Variants in PATJ observed in about 807,000 individuals in gnomAD.
PATJ encodes PATJ crumbs cell polarity complex component.
Under a neutral mutation model 224.9 loss-of-function variants are expected in PATJ, and 190 were observed. The ratio of observed to expected loss-of-function variants is 0.84; its 90% CI spans 0.75 to 0.95. The LOEUF (loss-of-function observed/expected upper bound fraction) is 0.95, where lower values mean the gene tolerates loss of function less well. Ranked by LOEUF, PATJ falls within the 40% of genes least tolerant of loss-of-function variation. The pLI is 0.00. For synonymous variants in PATJ, 769 were observed against 820.3 expected (o/e 0.94, Z 1.07); for missense variants, 2,121 against 2,270.3 (o/e 0.93, Z 1.34).
At chr1:61,794,048 GC>G (rs71050160) in intron 9 of PATJ, among the ~76,000 whole-genome samples, 1 of 151,406 alleles carries the variant, frequency 6.6e-6, no homozygotes, top group Admixed American at 6.6e-5. Context: ...GATTAGATGT[GC>G]CCACCATCAT....
intron 27 of PATJ, among the ~76,000 whole-genome samples, chr1:61,986,739 C>T (rs901531671): frequency 2.0e-5 from 3 of 150,532 alleles, no homozygotes; most frequent in Non-Finnish European, 2.9e-5. Context: ...TATTTTTTCT[C>T]GTTAAGTTTT....
intron 7 of PATJ, 132 bp downstream of exon 7, chr1:61,775,466 A>C (rs965522947): frequency 2.7e-6 from 2 of 734,290 alleles, no homozygotes; most frequent in Non-Finnish European, 4.4e-6. Flanking sequence ...CTTAAAAATG[A>C]TTTATTCTGT....
chr1:61,929,217 T>C (rs1395622651), intron 27 of PATJ, among the ~76,000 whole-genome samples: 2 of 152,240 alleles, frequency 1.3e-5, no homozygotes, highest in African/African-American at 4.8e-5. Flanking sequence ...TGTTACTCCA[T>C]ACATTCTGGT....
intron 27 of PATJ, among the ~76,000 whole-genome samples, chr1:61,934,626 A>C (rs1452019621): frequency 6.6e-6 from 1 of 152,184 alleles, no homozygotes; most frequent in Non-Finnish European, 1.5e-5. Context: ...TCCTTAGTTC[A>C]GTATAGATTC....
In PATJ at chr1:61,766,331, G is replaced by T; in HGVS notation, c.242G>T (p.Gly81Val). 1.2e-6 allele frequency: 2 copies of T among 1,611,426 alleles called. No individual in the cohort carries two copies. The highest frequency in any genetic ancestry group is 1.7e-6 in the Non-Finnish European group (2 of 1,178,672). ...GCCAACTTTGATTTTTCTAGGAAAGGTTTGTTAGTGTTCACAGATGGTTCC... is the reference window on the plus strand; with the variant it reads ...GCCAACTTTGATTTTTCTAGGAAAGTTTTGTTAGTGTTCACAGATGGTTCC... ...CSANFDFSRK[G>V]LLVFTDGSIT... The change falls in exon 4 of 44, where the codon GGT becomes GTT. Residue 81 changes from glycine to valine, a missense_variant. By Grantham distance (109) the Gly-to-Val change is moderately radical. Coordinates refer to ENST00000642238, the MANE Select transcript of PATJ (RefSeq NM_001350145.3).
chr1:61,943,635 C>T (rs897354742), intron 27 of PATJ, among the ~76,000 whole-genome samples: 1 of 152,164 alleles, frequency 6.6e-6, no homozygotes, highest in Non-Finnish European at 1.5e-5. Flanking sequence ...GCCTGCCTGC[C>T]TCTGTAGACT....
chr1:62,097,366 C>T (rs754790203), intron 33 of PATJ, among the ~76,000 whole-genome samples: 50 of 152,082 alleles, frequency 3.3e-4, no homozygotes, highest in Non-Finnish European at 6.3e-4. Context: ...TTCCAGATTC[C>T]TTGAATCCAA....
At chr1:62,134,502 C>T (rs1196434438) in intron 41 of PATJ, among the ~76,000 whole-genome samples, 2 of 151,736 alleles carry the variant, frequency 1.3e-5, no homozygotes, top group African/African-American at 4.8e-5. Context: ...TGTGCCACCA[C>T]GCCCAGCTAA....
At chr1:62,122,990 T>A in intron 38 of PATJ, 31 bp from the exon 39 acceptor site, 1 of 1,462,538 alleles carries the variant, frequency 6.8e-7, no homozygotes, top group East Asian at 2.3e-5. Context: ...TTTTTTAATA[T>A]TAAAAAGTTA....
chr1:62,051,125 C>A, intron 31 of PATJ, 67 bp downstream of exon 31: 3 of 1,191,528 alleles, frequency 2.5e-6, no homozygotes, highest in Non-Finnish European at 3.7e-6. Flanking sequence ...TTTTGTACCA[C>A]CTTGGAAAGA....
At chr1:62,009,739 G>C (rs908882855) in intron 28 of PATJ, among the ~76,000 whole-genome samples, 1 of 152,082 alleles carries the variant, frequency 6.6e-6, no homozygotes, top group Non-Finnish European at 1.5e-5. Context: ...TAGATTCATT[G>C]TTGTCATTTC....
intron 27 of PATJ, among the ~76,000 whole-genome samples, chr1:61,938,929 T>C (rs1677311281): frequency 6.6e-6 from 1 of 151,642 alleles, no homozygotes; most frequent in Non-Finnish European, 1.5e-5. Flanking sequence ...AAGAATCATG[T>C]AATTCTTGGT....
At chr1:61,927,623 G>T in intron 26 of PATJ, 107 bp from the exon 27 acceptor site, 1 of 653,054 alleles carries the variant, frequency 1.5e-6, no homozygotes, top group Non-Finnish European at 2.6e-6. Flanking sequence ...GAATGAAGTT[G>T]GGTATGGTCT....
At chr1:61,890,204 C>T (rs185932789) in intron 22 of PATJ, among the ~76,000 whole-genome samples, 63 of 152,288 alleles carry the variant, frequency 4.1e-4, no homozygotes, top group Admixed American at 9.2e-4. Flanking sequence ...ACAGGCCAGG[C>T]GTGGTGGCTC....
At chr1:62,102,315 G>A (rs1259650377) in intron 33 of PATJ, among the ~76,000 whole-genome samples, 1 of 152,146 alleles carries the variant, frequency 6.6e-6, no homozygotes, top group Admixed American at 6.5e-5. Context: ...ACTACCAGGA[G>A]GAAATTCATT....
At chr1:61,760,697 A>C (rs1377975058) in intron 1 of PATJ, among the ~76,000 whole-genome samples, 9 of 149,904 alleles carry the variant, frequency 6.0e-5, no homozygotes, top group African/African-American at 1.7e-4. Flanking sequence ...GCTCACTGCA[A>C]CCTCCACCTC....
At chr1:62,077,846 T>A (rs1325729298) in intron 31 of PATJ, among the ~76,000 whole-genome samples, 2 of 152,240 alleles carry the variant, frequency 1.3e-5, no homozygotes, top group African/African-American at 4.8e-5. Flanking sequence ...ATTAGCAGTG[T>A]GATTTCAAAT....
At chr1:61,811,790 G>A (rs1363508259) in intron 14 of PATJ, among the ~76,000 whole-genome samples, 3 of 150,584 alleles carry the variant, frequency 2.0e-5, no homozygotes, top group South Asian at 2.1e-4. Flanking sequence ...GGCTGGACGC[G>A]GTGGCTCACG....
intron 28 of PATJ, among the ~76,000 whole-genome samples, chr1:62,008,400 T>G (rs994003799): frequency 6.6e-6 from 1 of 152,200 alleles, no homozygotes; most frequent in African/African-American, 2.4e-5. Context: ...AGAATGCCAT[T>G]AAATCACTTC....
Sources: gnomAD v4.1 joint callset for allele counts (sites outside exome capture counted in the v4.1 genomes callset) on GRCh38, gnomAD v4.1.1 for gene constraint, MANE v1.5 for transcripts, NCBI Gene and HGNC (gene_info 2026-07-23, HGNC 2026-07-21) for gene names.